Variants in FAT3 observed in about 807,000 individuals in gnomAD.
FAT3 encodes FAT atypical cadherin 3, also known as protocadherin Fat 3.
In FAT3, 95 loss-of-function variants were observed where a neutral mutation model predicts 310.2. The ratio of observed to expected loss-of-function variants is 0.31; its 90% confidence interval spans 0.26 to 0.36. The LOEUF (loss-of-function observed/expected upper bound fraction) is 0.36, where lower values mean the gene tolerates loss of function less well. Ranked by LOEUF, FAT3 falls within the 10% of genes least tolerant of loss-of-function variation. FAT3 has a pLI of 1.00. For missense variants in FAT3, 5,408 were observed against 5,715.6 expected (o/e 0.95, Z 1.74); for synonymous variants, 2,314 against 2,192.9 (o/e 1.06, Z -1.54).
At chr11:92,754,168 C>T (rs528584146) in intron 4 of FAT3, among the ~76,000 whole-genome samples, 1 of 152,018 alleles carries the variant, frequency 6.6e-6, no homozygotes, top group Middle Eastern at 3.4e-3. Flanking sequence ...AAAATAAAGA[C>T]AATATTTTCC....
chr11:92,862,641 T>C (rs1226309870), intron 21 of FAT3, among the ~76,000 whole-genome samples: 2 of 152,166 alleles, frequency 1.3e-5, no homozygotes, highest in Non-Finnish European at 1.5e-5. Flanking sequence ...GCCAGATCTT[T>C]CCAATATAGA....
rs145393950 is a variant in FAT3 at position 92,774,090 on chromosome 11, T to C, written c.4245T>C (p.Ile1415=). ...AFDAEKGVGT[I]VIAKPLDAEQ... ...ATGCAGAGAAGGGTGTTGGGACAAT[T>C]GTCATCGCAAAACCTTTGGATGCAG... Residue 1415 remains isoleucine (I), a synonymous_variant, in exon 7 of 28, where the codon ATT becomes ATC. Coordinates refer to ENST00000525166, the MANE Select transcript of FAT3 (RefSeq NM_001367949.2). The C allele has an allele frequency of 9.9e-6, 16 of 1,613,660 alleles. No homozygotes were observed. Among genetic ancestry groups the C allele is most frequent in the Non-Finnish European group, 1.4e-5 (16 of 1,179,716 alleles).
Position 92,355,248 on chromosome 11 carries a change from T to G in FAT3, c.3136T>G (p.Phe1046Val). The change falls in exon 2 of 28, where the codon TTT becomes GTT. Residue 1046 changes from phenylalanine (F) to valine (V), a missense_variant. By Grantham distance (50) the Phe-to-Val change is conservative (BLOSUM62 -1). This residue lies in a region of FAT3 where 4,588 missense variants were observed against 4,809.8 expected (regional missense o/e 0.95). Transcript: ENST00000525166. ...CCTCCACACTCCCTATTTCCCAGACTTTGCTGTTGTTGGATCTGTAAAGGA... is the reference window on the plus strand; with the variant it reads ...CCTCCACACTCCCTATTTCCCAGACGTTGCTGTTGTTGGATCTGTAAAGGA... ...ENLHTPYFPDFAVVGSVKENS... is the reference protein window; with the variant it reads ...ENLHTPYFPDVAVVGSVKENS... The G allele has an allele frequency of 6.2e-7, 1 of 1,613,798 alleles. No homozygotes were observed. Among genetic ancestry groups the G allele is most frequent in the African/African-American group, 1.3e-5 (1 of 75,034 alleles).
intron 1 of FAT3, among the ~76,000 whole-genome samples, chr11:92,343,793 T>C (rs1334391694): frequency 6.6e-6 from 1 of 152,180 alleles, no homozygotes; most frequent in Non-Finnish European, 1.5e-5. Context: ...TGAGAATTTG[T>C]ACCCTATGAT....
At chr11:92,496,307 G>A (rs1952761269) in intron 2 of FAT3, among the ~76,000 whole-genome samples, 1 of 152,016 alleles carries the variant, frequency 6.6e-6, no homozygotes, top group Non-Finnish European at 1.5e-5. Context: ...ATACAATATA[G>A]TGTCATAAAC....
intron 3 of FAT3, among the ~76,000 whole-genome samples, chr11:92,659,909 G>C (rs562664096): frequency 2.0e-5 from 3 of 152,236 alleles, no homozygotes; most frequent in African/African-American, 7.2e-5. Context: ...ACTCTCTGAG[G>C]GAAGTTGAAA....
chr11:92,367,734 T>A (rs188604468), intron 2 of FAT3, among the ~76,000 whole-genome samples: 1 of 152,242 alleles, frequency 6.6e-6, no homozygotes, highest in Non-Finnish European at 1.5e-5. Flanking sequence ...CTACTGATCA[T>A]TCATCATGTT....
Position 92,891,304 on chromosome 11 carries a change from C to G in FAT3, c.*191C>G. 1.2e-6 allele frequency: 1 copy of G among 816,018 alleles called. No individual in the cohort carries two copies. The highest frequency in any genetic ancestry group is 1.9e-6 in the Non-Finnish European group (1 of 537,582). 50.5% of individuals were successfully genotyped at this position (816,018 alleles called of 1,614,324 possible). A position where few individuals can be genotyped will look rare whatever the true frequency, so the allele number is the denominator to read the frequency against. On this transcript the variant is annotated 3_prime_UTR_variant, in exon 28 of 28. Coordinates refer to ENST00000525166, the MANE Select transcript of FAT3 (RefSeq NM_001367949.2). The stretch of plus-strand genomic sequence containing the variant: ...TCCAGTTGGGTGAAAATGAAAGGCT[C>G]AGAAATTGTTTTTGAGAGGTGACTG...
At chr11:92,250,159 T>G (rs552475017) in intron 1 of FAT3, among the ~76,000 whole-genome samples, 11 of 152,268 alleles carry the variant, frequency 7.2e-5, no homozygotes, top group Non-Finnish European at 1.2e-4. Flanking sequence ...TTGTTTCTTA[T>G]TGTTTACAGA....
chr11:92,362,446 CT>C (rs375260129), intron 2 of FAT3, among the ~76,000 whole-genome samples: 9 of 152,146 alleles, frequency 5.9e-5, no homozygotes, highest in African/African-American at 2.2e-4. Context: ...CCAGTGGGCT[CT>C]TTTGCTGTCT....
intron 1 of FAT3, among the ~76,000 whole-genome samples, chr11:92,237,022 T>C (rs541501310): frequency 5.3e-5 from 8 of 151,180 alleles, no homozygotes; most frequent in Admixed American, 5.3e-4. Context: ...GCCTGCTGGG[T>C]AGCAGCAGGC....
chr11:92,317,408 G>A (rs949499293), intron 1 of FAT3, among the ~76,000 whole-genome samples: 5 of 152,182 alleles, frequency 3.3e-5, no homozygotes, highest in African/African-American at 9.7e-5. Flanking sequence ...CAGAAAGGGG[G>A]ATTGGCTAAA....
At chr11:92,551,542 GACTCCTGCTATTGTAGAAAT>G (rs1476297998) in intron 3 of FAT3, among the ~76,000 whole-genome samples, 1 of 151,588 alleles carries the variant, frequency 6.6e-6, no homozygotes, top group Non-Finnish European at 1.5e-5. Flanking sequence ...ATTTTACAAT[GACTCCTGCTATTGTAGAAAT>G]AGAAGACAAG....
chr11:92,756,340 T>C (rs1945990575), intron 4 of FAT3, among the ~76,000 whole-genome samples: 1 of 152,206 alleles, frequency 6.6e-6, no homozygotes, highest in African/African-American at 2.4e-5. Flanking sequence ...ATAAAAGTTA[T>C]GTGATTGATC....
intron 3 of FAT3, among the ~76,000 whole-genome samples, chr11:92,544,299 T>A (rs1954548760): frequency 6.6e-6 from 1 of 152,174 alleles, no homozygotes; most frequent in African/African-American, 2.4e-5. Flanking sequence ...TGGTGTTCGA[T>A]AGATTGTAGG....
chr11:92,346,839 G>A (rs1242845097), intron 1 of FAT3, among the ~76,000 whole-genome samples: 1 of 152,132 alleles, frequency 6.6e-6, no homozygotes, highest in Non-Finnish European at 1.5e-5. Context: ...GTAAAGAAAG[G>A]ACATTCTTTC....
At chr11:92,318,978 A>G (rs928047693) in intron 1 of FAT3, among the ~76,000 whole-genome samples, 1 of 152,182 alleles carries the variant, frequency 6.6e-6, no homozygotes, top group Non-Finnish European at 1.5e-5. Context: ...AGCATATTCT[A>G]TGTGCAATAA....
rs201626837 is a variant in FAT3 at position 92,438,098 on chromosome 11, ATAATGAT to A, written c.3292+82698_3292+82704del. On this transcript the variant is annotated intron_variant, in intron 2 of 27. Transcript: ENST00000525166. ...TGTGATTTTAGAAAACTTTGCAGAT[ATAATGAT>A]TAAAAAACAAGAATAATGTAAATAT... 2.0e-4 allele frequency among the ~76,000 whole-genome samples: 31 copies of A among 152,334 alleles called. No individual in the cohort carries two copies. In the East Asian group the frequency reaches 3.7e-3, roughly 18 times the overall value.
At chr11:92,403,030 A>G (rs1195389941) in intron 2 of FAT3, among the ~76,000 whole-genome samples, 1 of 152,158 alleles carries the variant, frequency 6.6e-6, no homozygotes, top group African/African-American at 2.4e-5. Context: ...TGCCTCCTTC[A>G]CTAACAAGAT....
Sources: gnomAD v4.1 joint callset for allele counts (sites outside exome capture counted in the v4.1 genomes callset) on GRCh38, gnomAD v4.1.1 for gene constraint, gnomAD v4.1.1 regional missense constraint, MANE v1.5 for transcripts, NCBI Gene and HGNC (gene_info 2026-07-23, HGNC 2026-07-21) for gene names.